Variants in CDH12 observed in about 807,000 individuals in gnomAD.
The protein encoded by CDH12 is cadherin 12, also known as cadherin-12.
Under a neutral mutation model 74.1 loss-of-function variants are expected in CDH12, and 41 were observed. That is an observed-to-expected ratio of 0.55 (90% CI 0.43 to 0.72). The LOEUF (loss-of-function observed/expected upper bound fraction) is 0.72. Among genes scored for constraint, CDH12 ranks in the 30% least tolerant of loss-of-function variants. The pLI, the probability that CDH12 is intolerant of heterozygous loss-of-function variation, is 0.00. For synonymous variants in CDH12, 399 were observed against 355.0 expected (o/e 1.12, Z -1.39); for missense variants, 945 against 977.2 (o/e 0.97, Z 0.44).
intron 6 of CDH12, among the ~76,000 whole-genome samples, chr5:21,955,194 T>TG (rs1441688423): frequency 6.6e-6 from 1 of 152,036 alleles, no homozygotes; most frequent in Non-Finnish European, 1.5e-5. Flanking sequence ...AATAGGCACT[T>TG]GCAAATGTCA....
chr5:21,968,853 T>C (rs1037724009), intron 6 of CDH12, among the ~76,000 whole-genome samples: 1 of 152,056 alleles, frequency 6.6e-6, no homozygotes, highest in African/African-American at 2.4e-5. Flanking sequence ...CTGGAAGCCA[T>C]TATCCTTAGC....
intron 1 of CDH12, among the ~76,000 whole-genome samples, chr5:22,643,245 A>G (rs1347146796): frequency 6.6e-6 from 1 of 152,116 alleles, no homozygotes; most frequent in African/African-American, 2.4e-5. Context: ...AATAATTTCA[A>G]TTGTTTGCTC....
At chr5:22,329,986 C>T (rs565244175) in intron 3 of CDH12, among the ~76,000 whole-genome samples, 1 of 152,286 alleles carries the variant, frequency 6.6e-6, no homozygotes, top group South Asian at 2.1e-4. Context: ...AGCCAGTGGA[C>T]TAGGGTGGCA....
chr5:21,778,016 C>A (rs1341216907), intron 11 of CDH12, among the ~76,000 whole-genome samples: 1 of 152,112 alleles, frequency 6.6e-6, no homozygotes. Flanking sequence ...CCATGTTGTA[C>A]AATAGATCTC....
intron 6 of CDH12, chr5:21,884,429 A>T: frequency 2.3e-6 from 2 of 876,674 alleles, no homozygotes; most frequent in Non-Finnish European, 3.9e-6. Context: ...GGCTGGCTGA[A>T]AATCACTATA....
chr5:22,324,701 G>T (rs892823373), intron 3 of CDH12, among the ~76,000 whole-genome samples: 27 of 151,932 alleles, frequency 1.8e-4, no homozygotes, highest in Admixed American at 5.2e-4. Context: ...TCAGTTTAAT[G>T]TGGCTTCAAA....
chr5:22,772,433 A>C (rs1156624967), intron 1 of CDH12, among the ~76,000 whole-genome samples: 1 of 152,110 alleles, frequency 6.6e-6, no homozygotes, highest in East Asian at 1.9e-4. Context: ...GAACTACCAG[A>C]CACCAAGGAG....
intron 10 of CDH12, among the ~76,000 whole-genome samples, chr5:21,794,979 T>A (rs1247392254): frequency 6.6e-6 from 1 of 151,692 alleles, no homozygotes; most frequent in African/African-American, 2.4e-5. Flanking sequence ...GTACTAAATA[T>A]TCATATAGGT....
intron 1 of CDH12, among the ~76,000 whole-genome samples, chr5:22,694,334 T>A (rs1742239398): frequency 6.6e-6 from 1 of 152,188 alleles, no homozygotes; most frequent in African/African-American, 2.4e-5. Flanking sequence ...TTTTTCTACT[T>A]AGAAATCCTT....
intron 6 of CDH12, among the ~76,000 whole-genome samples, chr5:21,964,687 A>C (rs532174430): frequency 6.6e-6 from 1 of 152,094 alleles, no homozygotes; most frequent in South Asian, 2.1e-4. Flanking sequence ...TTTTGACTGG[A>C]AATGGGGATT....
chr5:22,214,846 C>G (rs1751739263), intron 3 of CDH12, among the ~76,000 whole-genome samples: 1 of 152,142 alleles, frequency 6.6e-6, no homozygotes, highest in South Asian at 2.1e-4. Flanking sequence ...CTCATAAAAT[C>G]CAGAGGTCTT....
chr5:22,394,961 C>T (rs553310665), intron 3 of CDH12, among the ~76,000 whole-genome samples: 1 of 152,184 alleles, frequency 6.6e-6, no homozygotes, highest in East Asian at 1.9e-4. Flanking sequence ...TATAGATTCA[C>T]ATAAATTTTC....
intron 1 of CDH12, among the ~76,000 whole-genome samples, chr5:22,673,368 T>C (rs899012075): frequency 2.0e-5 from 3 of 152,176 alleles, no homozygotes; most frequent in Non-Finnish European, 4.4e-5. Context: ...CACTTAATTA[T>C]TTTCTTGGTT....
chr5:22,435,401 T>C (rs1418214749), intron 2 of CDH12, among the ~76,000 whole-genome samples: 1 of 151,740 alleles, frequency 6.6e-6, no homozygotes, highest in Non-Finnish European at 1.5e-5. Context: ...CATATATATA[T>C]ATACACACAC....
chr5:22,396,281 A>C (rs923942720), intron 3 of CDH12, among the ~76,000 whole-genome samples: 5 of 152,128 alleles, frequency 3.3e-5, no homozygotes, highest in African/African-American at 1.2e-4. Context: ...GGTCAGCATC[A>C]GAGGGCACTG....
chr5:21,879,678 A>G (rs1752138286), intron 6 of CDH12, among the ~76,000 whole-genome samples: 1 of 152,170 alleles, frequency 6.6e-6, no homozygotes, highest in Non-Finnish European at 1.5e-5. Context: ...TAAAGCTTTC[A>G]AGTTGTAAGC....
chr5:22,048,043 T>C (rs938154431), intron 5 of CDH12, among the ~76,000 whole-genome samples: 2 of 152,146 alleles, frequency 1.3e-5, no homozygotes, highest in Non-Finnish European at 2.9e-5. Flanking sequence ...ATACTTTTGT[T>C]TGCAGGGGTA....
intron 2 of CDH12, among the ~76,000 whole-genome samples, chr5:22,476,331 A>G (rs938835067): frequency 6.6e-6 from 1 of 151,976 alleles, no homozygotes; most frequent in East Asian, 1.9e-4. Flanking sequence ...AAACCAAATT[A>G]TATGTTTTAT....
intron 2 of CDH12, among the ~76,000 whole-genome samples, chr5:22,411,697 C>A (rs1259287461): frequency 2.6e-5 from 4 of 151,914 alleles, no homozygotes; most frequent in Non-Finnish European, 5.9e-5. Context: ...TTTGACCCAG[C>A]ATTTTTGCTG....
Sources: allele counts gnomAD v4.1 joint callset (sites outside exome capture counted in the v4.1 genomes callset), GRCh38; gene constraint gnomAD v4.1.1; transcripts MANE v1.5; gene names NCBI Gene and HGNC (gene_info 2026-07-23, HGNC 2026-07-21).